The following ATP8B2 variants were observed in gnomAD, a reference collection of about 807,000 sequenced individuals.
The protein encoded by ATP8B2 is phospholipid-transporting ATPase ID.
Under a neutral mutation model 133.4 loss-of-function variants are expected in ATP8B2, and 70 were observed. That is an observed-to-expected ratio of 0.52 (90% CI 0.43 to 0.64). ATP8B2 has a LOEUF of 0.64. Among genes scored for constraint, ATP8B2 ranks in the 30% least tolerant of loss-of-function variants. The pLI, the probability that ATP8B2 is intolerant of heterozygous loss-of-function variation, is 0.00. For missense variants in ATP8B2, 1,101 were observed against 1,535.7 expected (o/e 0.72, Z 4.73); for synonymous variants, 517 against 589.5 (o/e 0.88, Z 1.78).
At chr1:154,336,168 A>G (rs1459906648) in intron 11 of ATP8B2, among the ~76,000 whole-genome samples, 1 of 152,130 alleles carries the variant, frequency 6.6e-6, no homozygotes, top group Non-Finnish European at 1.5e-5. Context: ...TGTTAAAAGT[A>G]GCTCATCCCC....
At position 154,328,164 on chromosome 1, in the gene ATP8B2, G is replaced by GC; in HGVS notation, c.29dup (p.Glu11ArgfsTer9). On this transcript the variant is annotated frameshift_variant, in exon 2 of 28. Transcript: ENST00000368489. LOFTEE classifies it high-confidence loss of function. The surrounding 1 kb of genome is among the most constrained non-coding windows in gnomAD (Gnocchi z 4.6). ...GAGATGGCAGTGTGTGCAAAAAAGC[G>GC]CCCCCCAGGTAAGACAGGCAAGGAG... 5.6e-6 allele frequency: 9 copies of GC among 1,613,828 alleles called. No homozygotes were observed. The South Asian group carries it at 9.9e-5, about 18-fold the overall frequency.
rs1686746365 is a variant in ATP8B2 at position 154,350,432 on chromosome 1, G to T, written c.*1314G>T. ...CAAGTTTATTGGCAGACTCCCTTTT[G>T]ACCTCCCTTTGCCTCCCCATCTGGT... On this transcript the variant is annotated 3_prime_UTR_variant, in exon 28 of 28. Transcript: ENST00000368489. 6.6e-6 allele frequency: 1 copy of T among 152,186 alleles called. No individual in the cohort carries two copies. The highest frequency in any genetic ancestry group is 1.5e-5 in the Non-Finnish European group (1 of 68,066). 9.4% of individuals were successfully genotyped at this position (152,186 alleles called of 1,614,324 possible). A position where few individuals can be genotyped will look rare whatever the true frequency, so the allele number is the denominator to read the frequency against.
chr1:154,344,976 C>G lies in ATP8B2; in HGVS notation c.2292C>G (p.His764Gln), dbSNP rs562875701. ...ALVINGHSLA[H>Q]ALEADMELEF... Reference sequence around the variant, plus strand: ...CAGGTTTCTCTGTGCTCCAGGCCCACGCACTGGAGGCAGACATGGAGCTGG... The same window carrying G: ...CAGGTTTCTCTGTGCTCCAGGCCCAGGCACTGGAGGCAGACATGGAGCTGG... Residue 764 changes from histidine to glutamine, a missense_variant, in exon 22 of 28, where the codon CAC (histidine) becomes CAG (glutamine). Coordinates refer to ENST00000368489, the MANE Select transcript of ATP8B2 (RefSeq NM_001370597.1). The surrounding 1 kb of genome is among the most constrained non-coding windows in gnomAD (Gnocchi z 4.1). The G allele has an allele frequency of 6.2e-7, 1 of 1,611,736 alleles. No homozygotes were observed. The highest frequency in any genetic ancestry group is 8.5e-7 in the Non-Finnish European group (1 of 1,178,610).
Position 154,348,538 on chromosome 1 carries a change from G to C in ATP8B2, c.3294G>C (p.Thr1098=), listed in dbSNP as rs141598097. Residue 1098 remains threonine (T), a splice_region_variant and synonymous_variant, in exon 27 of 28, where the codon ACG becomes ACC. Coordinates refer to ENST00000368489, the MANE Select transcript of ATP8B2 (RefSeq NM_001370597.1). ...ACCTGAAGCCGGATCTCTCCGACAC[G>C]GTGAGAAGCCAGGCTACCTGCTGTG... is the stretch of plus-strand genomic sequence containing the variant. ...RLNLKPDLSD[T]VRYTQLVRKK... The C allele has an allele frequency of 2.4e-5, 38 of 1,613,200 alleles. No individual in the cohort carries two copies. The highest frequency in any genetic ancestry group is 3.2e-5 in the Non-Finnish European group (38 of 1,179,466).
chr1:154,344,230 T>C lies in ATP8B2; in HGVS notation c.2011T>C (p.Trp671Arg), dbSNP rs1279984042. The change falls in exon 19 of 28, where the codon TGG (tryptophan) becomes CGG (arginine). Residue 671 changes from tryptophan (W) to arginine (R), a missense_variant. Trp to Arg is a moderately radical substitution (Grantham distance 101). Transcript: ENST00000368489. The surrounding 1 kb of genome is among the most constrained non-coding windows in gnomAD (Gnocchi z 4.1). ...ALLTLANIKI[W>R]VLTGDKQETA... is the part of the protein sequence containing the mutation. Reference sequence around the variant, plus strand: ...CCTGACACTGGCCAACATCAAGATTTGGGTGCTAACCGGAGACAAGCAAGG... The same window carrying C: ...CCTGACACTGGCCAACATCAAGATTCGGGTGCTAACCGGAGACAAGCAAGG... 6.2e-7 allele frequency: 1 copy of C among 1,614,152 alleles called. No homozygotes were observed. Among genetic ancestry groups the C allele is most frequent in the Non-Finnish European group, 8.5e-7 (1 of 1,180,022 alleles).
rs1686558730 is a variant in ATP8B2 at position 154,345,692 on chromosome 1, C to A, written c.2695-108C>A. ...GCTTATTAAAGGAGGAGAGAAGGAG[C>A]CTCAGAAAATTTCTTAGGGTTCTCT... On this transcript the variant is annotated intron_variant, in intron 23 of 27. Transcript: ENST00000368489. The surrounding 1 kb of genome is among the most constrained non-coding windows in gnomAD (Gnocchi z 5.6). 9 of 1,333,476 alleles carry A rather than the reference C, an allele frequency of 6.7e-6. No homozygotes were observed. Among genetic ancestry groups the A allele is most frequent in the Non-Finnish European group, 9.6e-6 (9 of 939,088 alleles). The allele number at this position is 1,333,476 out of a possible 1,614,324, so 82.6% of individuals were successfully genotyped here. A position where few individuals can be genotyped will look rare whatever the true frequency, so the allele number is the denominator to read the frequency against.
At chr1:154,333,244 C>T (rs1041270103) in intron 9 of ATP8B2, among the ~76,000 whole-genome samples, 16 of 151,672 alleles carry the variant, frequency 1.1e-4, no homozygotes, top group African/African-American at 3.6e-4. Flanking sequence ...ACCTGGGAGG[C>T]GGAGGTTGCA....
Position 154,346,195 on chromosome 1 carries a change from C to G in ATP8B2, c.2779-36C>G, listed in dbSNP as rs186724418. 1.0e-5 allele frequency: 16 copies of G among 1,602,592 alleles called. No homozygotes were observed. The African/African-American group carries it at 1.7e-4, about 17-fold the overall frequency. On this transcript the variant is annotated intron_variant, in intron 24 of 27. Transcript: ENST00000368489. The surrounding 1 kb of genome is among the most constrained non-coding windows in gnomAD (Gnocchi z 4.5). ...TCATCCAGGGTCAAAACGGCAACCT[C>G]TGAGGCCCCCTATGCTACATGGTCC...
rs1010730387 is a variant in ATP8B2, at chr1:154,331,335, G to A, written c.304-109G>A. On this transcript the variant is annotated intron_variant, in intron 5 of 27. Transcript: ENST00000368489. The surrounding 1 kb of genome is among the most constrained non-coding windows in gnomAD (Gnocchi z 4.8). ...AGGGAATCAGGGAGTGAACTGGTTT[G>A]TGATGGGGTGTGTATGAGGCGTTAA... The A allele has an allele frequency of 7.9e-6, 10 of 1,260,484 alleles. No homozygotes were observed. Among genetic ancestry groups the A allele is most frequent in the Non-Finnish European group, 1.1e-5 (10 of 870,742 alleles). 78.1% of individuals were successfully genotyped at this position (1,260,484 alleles called of 1,614,324 possible).
chr1:154,342,535 T>C lies in ATP8B2; in HGVS notation c.1287+12T>C, dbSNP rs1437015111. 6.2e-7 allele frequency: 1 copy of C among 1,611,730 alleles called. No homozygotes were observed. The highest frequency in any genetic ancestry group is 8.5e-7 in the Non-Finnish European group (1 of 1,178,086). On this transcript the variant is annotated intron_variant, in intron 14 of 27. Transcript: ENST00000368489. ...CTGAATTGGGAGAGGTAAGATTCAGTCTCCCTAATTCTATGTGCCAGTGAA... is the reference window on the plus strand; with the variant it reads ...CTGAATTGGGAGAGGTAAGATTCAGCCTCCCTAATTCTATGTGCCAGTGAA...
At position 154,337,474 on chromosome 1, in the gene ATP8B2, T is replaced by C; in HGVS notation, c.964T>C (p.Ser322Pro). The change falls in exon 12 of 28, where the codon TCT becomes CCT. Residue 322 changes from serine to proline, a missense_variant. Ser to Pro is a moderately conservative substitution (Grantham distance 74). Coordinates refer to ENST00000368489, the MANE Select transcript of ATP8B2 (RefSeq NM_001370597.1). ...WDEAVDSAFFSGFLSFWSYII... is the reference protein window; with the variant it reads ...WDEAVDSAFFPGFLSFWSYII... ...TGAGGCAGTGGACAGTGCCTTCTTC[T>C]CTGGCTTCCTCTCCTTCTGGTCCTA... 1 of 1,614,216 alleles carries C rather than the reference T, an allele frequency of 6.2e-7. No individual in the cohort carries two copies. The highest frequency in any genetic ancestry group is 1.3e-5 in the African/African-American group (1 of 75,050).
Position 154,342,844 on chromosome 1 carries a change from T to G in ATP8B2, c.1336T>G (p.Phe446Val). Residue 446 changes from phenylalanine (F) to valine (V), a missense_variant, in exon 15 of 28, where the codon TTC (phenylalanine) becomes GTC (valine). Phe to Val is a conservative substitution (Grantham distance 50). Transcript: ENST00000368489. ...FSFNPLADKK[F>V]LFWDPSLLEA... ...CTTCAATCCTCTGGCTGACAAGAAG[T>G]TCTTATTTTGGGACCCCAGCCTGCT... 4 of 1,614,104 alleles carry G rather than the reference T, an allele frequency of 2.5e-6. No homozygotes were observed.
At position 154,345,047 on chromosome 1, in the gene ATP8B2, G is replaced by A. The variant is rs1307644549; in HGVS notation, c.2363G>A (p.Arg788Gln). 8.1e-6 allele frequency: 13 copies of A among 1,614,196 alleles called. No homozygotes were observed. The highest frequency in any genetic ancestry group is 3.3e-5 in the South Asian group (3 of 91,078). ...ACACKAVICC[R>Q]VTPLQKAQVV... Reference sequence around the variant, plus strand: ...GCCTGCAAAGCTGTCATCTGCTGCCGGGTGACCCCCTTGCAGAAGGCACAG... The same window carrying A: ...GCCTGCAAAGCTGTCATCTGCTGCCAGGTGACCCCCTTGCAGAAGGCACAG... The change falls in exon 22 of 28, where the codon CGG (arginine) becomes CAG (glutamine). Residue 788 changes from arginine to glutamine, a missense_variant. By Grantham distance (43) the Arg-to-Gln change is conservative. Transcript: ENST00000368489. The surrounding 1 kb of genome is among the most constrained non-coding windows in gnomAD (Gnocchi z 5.6).
Position 154,345,617 on chromosome 1 carries a change from A to C in ATP8B2, c.2694+72A>C. ...GGGCAGAGGTTCTGTCTTGTTTATC[A>C]CTCAGTCCCCCAGGGCCTAGCTATT... On this transcript the variant is annotated intron_variant, in intron 23 of 27. Transcript: ENST00000368489. The surrounding 1 kb of genome is among the most constrained non-coding windows in gnomAD (Gnocchi z 5.6). The C allele has an allele frequency of 7.0e-7, 1 of 1,429,540 alleles. No homozygotes were observed. The highest frequency in any genetic ancestry group is 9.7e-7 in the Non-Finnish European group (1 of 1,030,790). The allele number at this position is 1,429,540 out of a possible 1,614,324, so 88.6% of individuals were successfully genotyped here. A position where few individuals can be genotyped will look rare whatever the true frequency, so the allele number is the denominator to read the frequency against.
At chr1:154,335,533 AAC>A (rs1334957973) in intron 11 of ATP8B2, among the ~76,000 whole-genome samples, 2 of 151,848 alleles carry the variant, frequency 1.3e-5, no homozygotes, top group African/African-American at 4.8e-5. Context: ...CTTTACAAAA[AAC>A]TGAAAAATTA....
At chr1:154,339,477 G>C (rs1686303170) in intron 12 of ATP8B2, among the ~76,000 whole-genome samples, 1 of 152,216 alleles carries the variant, frequency 6.6e-6, no homozygotes, top group African/African-American at 2.4e-5. Context: ...CATTGTGACT[G>C]TTGCCACTCC....
chr1:154,348,263 A>G, intron 26 of ATP8B2, 145 bp from the exon 27 acceptor site: 1 of 886,388 alleles, frequency 1.1e-6, no homozygotes, highest in Non-Finnish European at 1.6e-6. Flanking sequence ...AAATTTGGAG[A>G]TTTACATTTG....
chr1:154,349,083 C>T lies in ATP8B2; in HGVS notation c.3538C>T (p.Pro1180Ser), dbSNP rs375500256. Residue 1180 changes from proline to serine, a missense_variant, in exon 28 of 28, where the codon CCC becomes TCC. Coordinates refer to ENST00000368489, the MANE Select transcript of ATP8B2 (RefSeq NM_001370597.1). Reference sequence around the variant, plus strand: ...GAAGAAGAGTGACAGTGCCAGTAGCCCCAGTGGCGGTGCCGACAAGCCCCT... The same window carrying T: ...GAAGAAGAGTGACAGTGCCAGTAGCTCCAGTGGCGGTGCCGACAAGCCCCT... ...RRKKSDSASSPSGGADKPLKG is the reference protein window; with the variant it reads ...RRKKSDSASSSSGGADKPLKG The T allele has an allele frequency of 4.3e-6, 7 of 1,614,082 alleles. No homozygotes were observed. The highest frequency in any genetic ancestry group is 5.9e-6 in the Non-Finnish European group (7 of 1,180,020).
chr1:154,345,780 T>G lies in ATP8B2; in HGVS notation c.2695-20T>G, dbSNP rs1382783951. ...AGCAAAGAAAGGTTGCATGCTCCCT[T>G]GCTCCCTGTTCTCTTCCAGACCGTC... On this transcript the variant is annotated intron_variant, in intron 23 of 27. Transcript: ENST00000368489. The surrounding 1 kb of genome is among the most constrained non-coding windows in gnomAD (Gnocchi z 5.6). The G allele has an allele frequency of 1.9e-6, 3 of 1,590,156 alleles. No homozygotes were observed. The highest frequency in any genetic ancestry group is 2.6e-6 in the Non-Finnish European group (3 of 1,158,318).
Sources: allele counts gnomAD v4.1 joint callset (sites outside exome capture counted in the v4.1 genomes callset), GRCh38; gene constraint gnomAD v4.1.1; non-coding constraint Gnocchi (gnomAD v3.1); transcripts MANE v1.5; gene names NCBI Gene and HGNC (gene_info 2026-07-23, HGNC 2026-07-21).